RAB7A: variants seen among roughly 807,000 people sequenced by gnomAD.
RAB7A encodes ras-related protein Rab-7a.
In RAB7A, 2 loss-of-function variants were observed where a neutral mutation model predicts 24.5. The ratio of observed to expected loss-of-function variants is 0.08; its 90% CI spans 0.03 to 0.26. The LOEUF (loss-of-function observed/expected upper bound fraction) is 0.26. Ranked by LOEUF, RAB7A falls within the 10% of genes least tolerant of loss-of-function variation. The probability of loss-of-function intolerance (pLI) is 1.00; values close to 1 mark genes in which losing one functional copy is unlikely to be tolerated. For synonymous variants in RAB7A, 100 were observed against 95.9 expected (o/e 1.04, Z -0.25); for missense variants, 118 against 255.7 (o/e 0.46, Z 3.67).
chr3:128,797,172 C>G (rs574979582), intron 2 of RAB7A, among the ~76,000 whole-genome samples: 7 of 152,184 alleles, frequency 4.6e-5, no homozygotes, highest in African/African-American at 1.7e-4. Flanking sequence ...CTTGTAGATT[C>G]TGGCTTAGAT....
intron 1 of RAB7A, among the ~76,000 whole-genome samples, chr3:128,753,674 C>T (rs959366804): frequency 1.3e-5 from 2 of 152,192 alleles, no homozygotes; most frequent in Admixed American, 6.5e-5. Flanking sequence ...TCAAGATGGT[C>T]CCTTGTTTCT....
intron 1 of RAB7A, among the ~76,000 whole-genome samples, chr3:128,794,401 T>C (rs1347833301): frequency 6.6e-6 from 1 of 152,224 alleles, no homozygotes. Flanking sequence ...CAAGGTCATA[T>C]AGCTAAATTA....
chr3:128,807,646 C>A lies in RAB7A; in HGVS notation c.503C>A (p.Thr168Lys). Residue 168 changes from threonine (T) to lysine (K), a missense_variant, in exon 5 of 6, where the codon ACG becomes AAG. Physicochemically the swap from Thr to Lys is moderately conservative, Grantham distance 78. Coordinates refer to ENST00000265062, the MANE Select transcript of RAB7A (RefSeq NM_004637.6). The part of the protein sequence containing the change: ...EAINVEQAFQ[T>K]IARNALKQET... The stretch of plus-strand genomic sequence containing the variant: ...ATCAACGTGGAGCAGGCGTTCCAGA[C>A]GATTGCACGGAATGCACTTAAGCAG... The A allele has an allele frequency of 6.2e-7, 1 of 1,614,214 alleles. No individual in the cohort carries two copies. Among genetic ancestry groups the A allele is most frequent in the Non-Finnish European group, 8.5e-7 (1 of 1,180,030 alleles).
intron 1 of RAB7A, among the ~76,000 whole-genome samples, chr3:128,734,958 G>A (rs2070476499): frequency 6.6e-6 from 1 of 152,142 alleles, no homozygotes; most frequent in Non-Finnish European, 1.5e-5. Flanking sequence ...ATTTTTTCCA[G>A]TTCTAGCTTT....
At chr3:128,799,430 G>A (rs1157182286) in intron 3 of RAB7A, among the ~76,000 whole-genome samples, 1 of 152,084 alleles carries the variant, frequency 6.6e-6, no homozygotes, top group Admixed American at 6.5e-5. Flanking sequence ...TGCTTCTAGA[G>A]GCAAATACAA....
intron 1 of RAB7A, among the ~76,000 whole-genome samples, chr3:128,781,570 A>G (rs1486667419): frequency 1.3e-5 from 2 of 152,086 alleles, no homozygotes; most frequent in African/African-American, 4.8e-5. Flanking sequence ...CATCTGTTCA[A>G]GAGGCCAAGG....
intron 5 of RAB7A, among the ~76,000 whole-genome samples, chr3:128,811,422 CA>C (rs779163377): frequency 4.5e-4 from 69 of 152,326 alleles, no homozygotes; most frequent in Non-Finnish European, 8.4e-4. Context: ...AGTGAATAAA[CA>C]GGGCAGCTTA....
intron 5 of RAB7A, among the ~76,000 whole-genome samples, chr3:128,808,665 G>A (rs1246473206): frequency 6.6e-6 from 1 of 152,208 alleles, no homozygotes; most frequent in Non-Finnish European, 1.5e-5. Context: ...AGCTCTGTTA[G>A]GGGCAGTGGT....
At chr3:128,756,018 G>T (rs1031670908) in intron 1 of RAB7A, among the ~76,000 whole-genome samples, 1 of 152,152 alleles carries the variant, frequency 6.6e-6, no homozygotes, top group Non-Finnish European at 1.5e-5. Context: ...GCAGGTTACA[G>T]AATCAACAAA....
Position 128,797,890 on chromosome 3 carries a change from A to G in RAB7A, c.54-53A>G, listed in dbSNP as rs1270994539. The G allele has an allele frequency of 1.9e-6, 3 of 1,597,872 alleles. No homozygotes were observed. The African/African-American group carries it at 4.0e-5, about 21-fold the overall frequency. The stretch of plus-strand genomic sequence containing the variant: ...TTAAATGCTTCAAGTAATTCGTGTC[A>G]GTTTCAGGACCCTCCTATTTGACTT... On this transcript the variant is annotated intron_variant, in intron 2 of 5. Coordinates refer to ENST00000265062, the MANE Select transcript of RAB7A (RefSeq NM_004637.6).
At chr3:128,810,997 T>G (rs570152483) in intron 5 of RAB7A, among the ~76,000 whole-genome samples, 1 of 151,840 alleles carries the variant, frequency 6.6e-6, no homozygotes, top group East Asian at 1.9e-4. Context: ...GAGGTTGCAG[T>G]GAGCCGAGAT....
rs1419564325 is a variant in RAB7A, at chr3:128,767,788, C to T, written c.-8-27572C>T. Among the ~76,000 whole-genome samples the T allele has an allele frequency of 3.9e-5, 6 of 152,192 alleles. No individual in the cohort carries two copies. In the East Asian group the frequency reaches 1.2e-3, roughly 29 times the overall value. On this transcript the variant is annotated intron_variant, in intron 1 of 5. Transcript: ENST00000265062. ...ATCGTGAATGCAGTGAGAACTGAGG[C>T]AATGCAGAGTGGCTGCTGCTTCCAT...
chr3:128,741,505 A>G (rs1348258647), intron 1 of RAB7A, among the ~76,000 whole-genome samples: 2 of 152,132 alleles, frequency 1.3e-5, no homozygotes, highest in Non-Finnish European at 2.9e-5. Context: ...TTTATCACAC[A>G]GTATATTTCC....
At chr3:128,774,053 C>T (rs1330577047) in intron 1 of RAB7A, among the ~76,000 whole-genome samples, 1 of 138,354 alleles carries the variant, frequency 7.2e-6, no homozygotes, top group Admixed American at 7.8e-5. Context: ...TCCCCCTCTG[C>T]GAGAAACACC....
intron 3 of RAB7A, chr3:128,798,821 TAA>T (rs56925997): frequency 0.073 from 10,889 of 149,726 alleles, 8 homozygotes; most frequent in South Asian, 0.16. Context: ...TCTCTAAATT[TAA>T]AAAAAAAAAA....
intron 1 of RAB7A, among the ~76,000 whole-genome samples, chr3:128,781,022 C>G (rs1344736233): frequency 6.6e-6 from 1 of 152,194 alleles, no homozygotes; most frequent in Non-Finnish European, 1.5e-5. Flanking sequence ...CTCTACTGCC[C>G]TGTTTGTTAA....
chr3:128,772,153 C>G (rs1029328849), intron 1 of RAB7A, among the ~76,000 whole-genome samples: 1 of 152,176 alleles, frequency 6.6e-6, no homozygotes, highest in Non-Finnish European at 1.5e-5. Flanking sequence ...TCGAAATGAA[C>G]ACAACTGGCT....
At chr3:128,810,928 C>T (rs1303494262) in intron 5 of RAB7A, among the ~76,000 whole-genome samples, 3 of 152,030 alleles carry the variant, frequency 2.0e-5, no homozygotes, top group South Asian at 2.1e-4. Flanking sequence ...GTGGTGGGCA[C>T]CTGTAATCCC....
intron 1 of RAB7A, 180 bp from the exon 2 acceptor site, chr3:128,795,180 G>C: frequency 1.5e-6 from 1 of 660,492 alleles, no homozygotes; most frequent in Non-Finnish European, 2.8e-6. Context: ...CTCGCTCTTG[G>C]GTCCAGAGTT....
Sources: allele counts gnomAD v4.1 joint callset (sites outside exome capture counted in the v4.1 genomes callset), GRCh38; gene constraint gnomAD v4.1.1; transcripts MANE v1.5; gene names NCBI Gene and HGNC (gene_info 2026-07-23, HGNC 2026-07-21).